Variants in SYTL4 observed in about 807,000 individuals in gnomAD.
SYTL4 encodes synaptotagmin like 4, also known as synaptotagmin-like protein 4.
A neutral mutation model predicts 52.7 loss-of-function variants in SYTL4; 16 were observed. That is an observed-to-expected ratio of 0.30 (90% CI 0.21 to 0.46). The LOEUF (loss-of-function observed/expected upper bound fraction) is 0.46. Ranked by LOEUF, SYTL4 falls within the 20% of genes least tolerant of loss-of-function variation. The pLI is 1.00. For synonymous variants in SYTL4, 160 were observed against 186.6 expected, an observed-to-expected ratio of 0.86 and a Z score of 1.16; for missense variants, 423 against 519.9, an observed-to-expected ratio of 0.81 and a Z score of 1.81.
chrX:100,725,033 T>C (rs889939228), intron 2 of SYTL4, among the ~76,000 whole-genome samples: 4 of 111,711 alleles, frequency 3.6e-5, no homozygotes, highest in Non-Finnish European at 3.8e-5. Context: ...TGGAAAAATG[T>C]CTAGAAAGAA....
At chrX:100,728,213 G>T (rs1037735220) in intron 2 of SYTL4, among the ~76,000 whole-genome samples, 1 of 112,286 alleles carries the variant, frequency 8.9e-6, no homozygotes, top group Non-Finnish European at 1.9e-5. Flanking sequence ...TTTCAAATAA[G>T]TTAACATATA....
chrX:100,722,290 T>C (rs2084358031), intron 2 of SYTL4, among the ~76,000 whole-genome samples: 1 of 111,520 alleles, frequency 9.0e-6, no homozygotes, highest in South Asian at 3.8e-4. Flanking sequence ...ATATGAATTC[T>C]TGGTCACCAA....
chrX:100,701,064 C>T, intron 7 of SYTL4, 65 bp from the exon 8 acceptor site: 1 of 959,445 alleles, frequency 1.0e-6, no homozygotes. Context: ...AAACAACCCT[C>T]ATAGCAAATC....
intron 12 of SYTL4, among the ~76,000 whole-genome samples, chrX:100,688,650 C>T (rs1434811956): frequency 2.8e-5 from 3 of 107,512 alleles, no homozygotes; most frequent in Non-Finnish European, 3.9e-5. Flanking sequence ...CCGCAACCTC[C>T]GCCTCCTGGG....
chrX:100,695,832 T>G (rs1027964174), intron 8 of SYTL4, among the ~76,000 whole-genome samples: 27 of 112,060 alleles, frequency 2.4e-4, no homozygotes, highest in Admixed American at 1.1e-3. Flanking sequence ...CCCAAAGGTT[T>G]CCTCCTGCCC....
chrX:100,681,363 A>C, intron 16 of SYTL4, 28 bp from the exon 17 acceptor site: 41 of 1,111,281 alleles, frequency 3.7e-5, no homozygotes, highest in Non-Finnish European at 4.9e-5. Context: ...CCAACAGGTC[A>C]AGCTGGGCTT....
chrX:100,731,049 G>A (rs2084632906), intron 2 of SYTL4, among the ~76,000 whole-genome samples: 1 of 111,413 alleles, frequency 9.0e-6, no homozygotes, highest in Non-Finnish European at 1.9e-5. Context: ...ACAGTACTCT[G>A]GAATTTTACG....
At chrX:100,682,903 C>T (rs900385109) in intron 16 of SYTL4, among the ~76,000 whole-genome samples, 10 of 111,187 alleles carry the variant, frequency 9.0e-5, no homozygotes, top group African/African-American at 3.3e-4. Context: ...GTATGCCCAA[C>T]ACTTAGCAAA....
intron 16 of SYTL4, among the ~76,000 whole-genome samples, chrX:100,684,084 T>C (rs2083432009): frequency 8.9e-6 from 1 of 112,033 alleles, no homozygotes; most frequent in African/African-American, 3.2e-5. Context: ...TGACATATAA[T>C]ATTTGTATAT....
chrX:100,716,320 A>T (rs141309925), intron 2 of SYTL4, among the ~76,000 whole-genome samples: 205 of 105,933 alleles, frequency 1.9e-3, no homozygotes, highest in African/African-American at 6.9e-3. Context: ...ATGGTGGTGC[A>T]TGCCTGTAAT....
intron 2 of SYTL4, among the ~76,000 whole-genome samples, chrX:100,727,714 T>C (rs933202355): frequency 1.4e-4 from 16 of 111,897 alleles, no homozygotes; most frequent in Admixed American, 1.4e-3. Context: ...GAACACATGA[T>C]ACAGTCTGAA....
chrX:100,687,554 C>A (rs2083498399), intron 13 of SYTL4: 2 of 280,018 alleles, frequency 7.1e-6, no homozygotes, highest in Non-Finnish European at 1.3e-5. Flanking sequence ...AGGCAAGGTG[C>A]AGTTAAGTCC....
chrX:100,695,622 C>A (rs1420364640), intron 8 of SYTL4, among the ~76,000 whole-genome samples: 1 of 111,969 alleles, frequency 8.9e-6, no homozygotes, highest in Non-Finnish European at 1.9e-5. Context: ...ATACAGATGT[C>A]AAAAGAATGA....
intron 2 of SYTL4, among the ~76,000 whole-genome samples, chrX:100,730,093 G>A (rs1279010422): frequency 9.0e-6 from 1 of 110,692 alleles, no homozygotes; most frequent in African/African-American, 3.3e-5. Flanking sequence ...AGGAGAGGAA[G>A]AAGTTGAGTC....
intron 2 of SYTL4, among the ~76,000 whole-genome samples, chrX:100,705,138 T>C (rs1050325286): frequency 1.8e-5 from 2 of 111,966 alleles, no homozygotes; most frequent in African/African-American, 6.5e-5. Flanking sequence ...CTTAATGCAA[T>C]ATCTGGTACG....
At chrX:100,724,384 T>C (rs1455347519) in intron 2 of SYTL4, among the ~76,000 whole-genome samples, 1 of 103,954 alleles carries the variant, frequency 9.6e-6, no homozygotes, top group Admixed American at 1.0e-4. Flanking sequence ...CAACAGCTCA[T>C]TGAGAACGGG....
At chrX:100,712,608 G>C (rs1238728718) in intron 2 of SYTL4, among the ~76,000 whole-genome samples, 1 of 112,521 alleles carries the variant, frequency 8.9e-6, no homozygotes, top group Non-Finnish European at 1.9e-5. Flanking sequence ...CGTAAAACGT[G>C]ATCCAGAACT....
At position 100,702,071 on chromosome X, in the gene SYTL4, T is replaced by C; in HGVS notation, c.-34A>G. The C allele has an allele frequency of 9.5e-7, 1 of 1,051,397 alleles. No individual in the cohort carries two copies. The highest frequency in any genetic ancestry group is 1.3e-6 in the Non-Finnish European group (1 of 760,633). 86.6% of individuals were successfully genotyped at this position (1,051,397 alleles called of 1,213,427 possible). ...CAACTTTTTCTTCTACTCTTCTTTC[T>C]TCAAAACAACCAGACAAGGAGAGCT... On this transcript the variant is annotated 5_prime_UTR_variant, in exon 5 of 20. Transcript: ENST00000372989.
chrX:100,711,728 C>T (rs944023521), intron 2 of SYTL4, among the ~76,000 whole-genome samples: 1 of 110,946 alleles, frequency 9.0e-6, no homozygotes, highest in Non-Finnish European at 1.9e-5. Flanking sequence ...ATTTGGTGAA[C>T]ACTATAAACT....
Sources: gnomAD v4.1 joint callset for allele counts (sites outside exome capture counted in the v4.1 genomes callset) on GRCh38, gnomAD v4.1.1 for gene constraint, MANE v1.5 for transcripts, NCBI Gene and HGNC (gene_info 2026-07-23, HGNC 2026-07-21) for gene names.